EEF2: variants seen among roughly 807,000 people sequenced by gnomAD.
EEF2 encodes the protein eukaryotic translation elongation factor 2.
A neutral mutation model predicts 85.3 loss-of-function variants in EEF2; 21 were observed. The ratio of observed to expected loss-of-function variants is 0.25; its 90% CI spans 0.17 to 0.35. The LOEUF (loss-of-function observed/expected upper bound fraction) is 0.35, where lower values mean the gene tolerates loss of function less well. EEF2 is among the 10% of genes least tolerant of loss of function. The probability of loss-of-function intolerance (pLI) is 1.00; values close to 1 mark genes in which losing one functional copy is unlikely to be tolerated. For synonymous variants in EEF2, 723 were observed against 508.8 expected, an observed-to-expected ratio of 1.42 and a Z score of -5.67; for missense variants, 825 against 1,225.3, an observed-to-expected ratio of 0.67 and a Z score of 4.88.
chr19:3,984,988 C>G (rs1319860192), intron 1 of EEF2: 9 of 264,872 alleles, frequency 3.4e-5, no homozygotes, highest in South Asian at 1.6e-4. Context: ...CTGCCATTCC[C>G]TGCCGCCCCT....
intron 11 of EEF2, 80 bp from the exon 12 acceptor site, chr19:3,978,252 C>T (rs2039701259): frequency 3.9e-6 from 5 of 1,296,350 alleles, no homozygotes; most frequent in African/African-American, 1.5e-5. Flanking sequence ...AAAGCTTTTC[C>T]TAGCAAGGCG....
chr19:3,980,152 T>G (rs1599193579), intron 9 of EEF2, 86 bp from the exon 10 acceptor site: 7 of 1,525,586 alleles, frequency 4.6e-6, no homozygotes, highest in Non-Finnish European at 6.1e-6. Flanking sequence ...CCGGAGTTGG[T>G]GGCCCTCCTG....
At chr19:3,985,319 G>GT (rs2039806577) in intron 1 of EEF2, 59 bp downstream of exon 1, 3 of 1,403,812 alleles carry the variant, frequency 2.1e-6, no homozygotes. Flanking sequence ...GCTAGGCAGC[G>GT]TAGGCCCCGC....
chr19:3,981,161 G>C (rs1371875322), intron 7 of EEF2, among the ~76,000 whole-genome samples, 178 bp downstream of exon 7: 1 of 152,246 alleles, frequency 6.6e-6, no homozygotes, highest in Admixed American at 6.5e-5. Context: ...ACCCACACCT[G>C]TCCCGGATGG....
Position 3,977,297 on chromosome 19 carries a change from C to G in EEF2, c.2301G>C (p.Arg767=). Residue 767 remains arginine (R), a synonymous_variant, in exon 14 of 15, where the codon CGG becomes CGC. Coordinates refer to ENST00000309311, the MANE Select transcript of EEF2 (RefSeq NM_001961.4). The surrounding 1 kb of genome is among the most constrained non-coding windows in gnomAD (Gnocchi z 5.4). ...CCTGGGACTCCTCGAACACGTGGCC[C>G]CGCTTCCTGTTCAAAACCCCGTAGA... ...GGIYGVLNRK[R]GHVFEESQVA... The G allele has an allele frequency of 6.2e-7, 1 of 1,606,326 alleles. No homozygotes were observed. Among genetic ancestry groups the G allele is most frequent in the Non-Finnish European group, 8.5e-7 (1 of 1,176,484 alleles).
intron 5 of EEF2, 23 bp from the exon 6 acceptor site, chr19:3,982,075 A>T: frequency 6.2e-7 from 1 of 1,613,522 alleles, no homozygotes; most frequent in South Asian, 1.1e-5. Context: ...GGCCAAGCCA[A>T]ATCAAGTTAG....
At chr19:3,982,487 C>G in intron 4 of EEF2, 63 bp from the exon 5 acceptor site, 1 of 1,606,096 alleles carries the variant, frequency 6.2e-7, no homozygotes, top group Non-Finnish European at 8.5e-7. Context: ...AAGCTACGGG[C>G]TGGGCGCCTT....
chr19:3,981,883 G>A (rs552581131), intron 6 of EEF2, 64 bp downstream of exon 6: 40 of 1,492,468 alleles, frequency 2.7e-5, no homozygotes, highest in East Asian at 2.5e-4. Context: ...GCTACCGGCC[G>A]GAGCCCACAG....
intron 9 of EEF2, 115 bp from the exon 10 acceptor site, chr19:3,980,181 T>G (rs780600681): frequency 5.6e-6 from 8 of 1,434,856 alleles, no homozygotes; most frequent in South Asian, 2.7e-5. Flanking sequence ...CAGGGCAGAC[T>G]GGTGGCTTCC....
At chr19:3,985,313 G>A in intron 1 of EEF2, 65 bp downstream of exon 1, 2 of 1,380,882 alleles carry the variant, frequency 1.4e-6, no homozygotes, top group Non-Finnish European at 1.9e-6. Context: ...TCCCAGGCTA[G>A]GCAGCGTAGG....
intron 1 of EEF2, chr19:3,985,128 C>T: frequency 2.5e-6 from 1 of 403,446 alleles, no homozygotes; most frequent in Non-Finnish European, 4.4e-6. Flanking sequence ...CCACCCCCAT[C>T]CCCGCTAACA....
rs373671925 is a variant in EEF2, at chr19:3,980,030, G to A, written c.1383C>T (p.Ile461=). The A allele has an allele frequency of 4.8e-5, 78 of 1,613,612 alleles. No homozygotes were observed. The highest frequency in any genetic ancestry group is 2.5e-4 in the East Asian group (11 of 44,890). The part of the protein sequence containing the change: ...ILMMGRYVEP[I]EDVPCGNIVG... ...CAATGTTCCCACAAGGCACATCCTC[G>A]ATGGGCTCCACGTAGCGGCCCATCA... Residue 461 remains isoleucine (I), a synonymous_variant, in exon 10 of 15, where the codon ATC becomes ATT. Coordinates refer to ENST00000309311, the MANE Select transcript of EEF2 (RefSeq NM_001961.4).
rs1050981301 is a variant in EEF2, at chr19:3,982,264, T to A, written c.773A>T (p.Lys258Met). 16 of 1,614,200 alleles carry A rather than the reference T, an allele frequency of 9.9e-6. No homozygotes were observed. Among genetic ancestry groups the A allele is most frequent in the Non-Finnish European group, 1.4e-5 (16 of 1,180,038 alleles). ...GGCTCACCTGTCACCCCACAGCTTCTTCATCATGTCCTCTACTTTCTTGGC... is the reference window on the plus strand; with the variant it reads ...GGCTCACCTGTCACCCCACAGCTTCATCATCATGTCCTCTACTTTCTTGGC... Reference protein sequence around the residue: ...ERAKKVEDMMKKLWGDRYFDP... With the variant: ...ERAKKVEDMMMKLWGDRYFDP... The change falls in exon 5 of 15, where the codon AAG (lysine) becomes ATG (methionine). Residue 258 changes from lysine (K) to methionine (M), a missense_variant. Transcript: ENST00000309311.
Position 3,977,048 on chromosome 19 carries a change from T to C in EEF2, c.2383+167A>G, listed in dbSNP as rs1473143821. Among the ~76,000 whole-genome samples the C allele has an allele frequency of 6.6e-6, 1 of 152,156 alleles. No individual in the cohort carries two copies. Among genetic ancestry groups the C allele is most frequent in the African/African-American group, 2.4e-5 (1 of 41,426 alleles). On this transcript the variant is annotated intron_variant, in intron 14 of 14. Transcript: ENST00000309311. The surrounding 1 kb of genome is among the most constrained non-coding windows in gnomAD (Gnocchi z 5.4). The stretch of plus-strand genomic sequence containing the variant: ...GATAGGAGAGCCCCTCCCCTGGGAA[T>C]TCAGTGATTTAGGGGGTCCACAAGC...
chr19:3,979,713 A>G, intron 10 of EEF2, 95 bp downstream of exon 10: 1 of 1,528,010 alleles, frequency 6.5e-7, no homozygotes, highest in Non-Finnish European at 8.8e-7. Context: ...AGTCACCCCA[A>G]TCCACCAACC....
At position 3,979,934 on chromosome 19, in the gene EEF2, G is replaced by A. The variant is rs765482573; in HGVS notation, c.1479C>T (p.Asn493=). 2.4e-5 allele frequency: 38 copies of A among 1,613,814 alleles called. No homozygotes were observed. Among genetic ancestry groups the A allele is most frequent in the South Asian group, 1.5e-4 (14 of 91,092 alleles). The change falls in exon 10 of 15, where the codon AAC becomes AAT. Residue 493 remains asparagine (N), a synonymous_variant. Coordinates refer to ENST00000309311, the MANE Select transcript of EEF2 (RefSeq NM_001961.4). ...TGACGCTGAACTTCATCACCCGCAT[G>A]TTGTGCGCGTGCTCGAAGGTGGTGA... ...GTITTFEHAH[N]MRVMKFSVSP... is the part of the protein sequence containing the mutation.
chr19:3,980,310 C>G (rs1302503061), intron 9 of EEF2, among the ~76,000 whole-genome samples: 1 of 152,238 alleles, frequency 6.6e-6, no homozygotes, highest in Admixed American at 6.5e-5. Flanking sequence ...CACAGATGAG[C>G]AGGGGTGTGC....
At position 3,977,162 on chromosome 19, in the gene EEF2, G is replaced by A. The variant is rs2039688496; in HGVS notation, c.2383+53C>T. 4 of 1,592,468 alleles carry A rather than the reference G, an allele frequency of 2.5e-6. No homozygotes were observed. The Admixed American group carries it at 5.1e-5, about 20-fold the overall frequency. ...CCTTGCTAAGCTTAACTGGGCTTCTGTCCCCCAAACCAGCCTGCCAGGCTC... is the reference window on the plus strand; with the variant it reads ...CCTTGCTAAGCTTAACTGGGCTTCTATCCCCCAAACCAGCCTGCCAGGCTC... On this transcript the variant is annotated intron_variant, in intron 14 of 14. Transcript: ENST00000309311. This position sits in a 1 kb window ranked among gnomAD's most constrained non-coding sequence, Gnocchi z 5.4.
chr19:3,981,237 C>T, intron 7 of EEF2, 102 bp downstream of exon 7: 3 of 1,220,612 alleles, frequency 2.5e-6, no homozygotes, highest in East Asian at 2.3e-5. Context: ...AGCAGCTGTC[C>T]CTGCCCAGCT....
Sources: allele counts gnomAD v4.1 joint callset (sites outside exome capture counted in the v4.1 genomes callset), GRCh38; gene constraint gnomAD v4.1.1; non-coding constraint Gnocchi (gnomAD v3.1); transcripts MANE v1.5; gene names NCBI Gene and HGNC (gene_info 2026-07-23, HGNC 2026-07-21).